The following SH3BGRL2 variants were observed in gnomAD, a reference collection of about 807,000 sequenced individuals.
The protein encoded by SH3BGRL2 is SH3 domain-binding glutamic acid-rich-like protein 2.
SH3BGRL2 carries 21 observed loss-of-function variants against 14.8 expected under a neutral mutation model. The observed-to-expected ratio is 1.42, with a 90% CI of 1.01 to 2.05. SH3BGRL2 has a LOEUF of 2.05. Among genes scored for constraint, SH3BGRL2 ranks in the 30% most tolerant of loss-of-function variants. The probability of loss-of-function intolerance (pLI) is 0.00; values close to 1 mark genes in which losing one functional copy is unlikely to be tolerated. For synonymous variants in SH3BGRL2, 50 were observed against 47.8 expected, an observed-to-expected ratio of 1.05 and a Z score of -0.19; for missense variants, 147 against 130.8, an observed-to-expected ratio of 1.12 and a Z score of -0.61.
At chr6:79,640,910 T>C (rs905024285) in intron 1 of SH3BGRL2, among the ~76,000 whole-genome samples, 2 of 152,192 alleles carry the variant, frequency 1.3e-5, no homozygotes, top group African/African-American at 4.8e-5. Context: ...GGTGACTTGA[T>C]TGACAGGTCA....
chr6:79,548,788 A>G, the SH3BGRL2 span, among the ~76,000 whole-genome samples: 24,063 of 152,176 alleles, frequency 0.16, 2,118 homozygotes, highest in South Asian at 0.22. Flanking sequence ...ATTTATGGAA[A>G]CCACATAAGT....
At chr6:79,552,345 C>T in the SH3BGRL2 span, among the ~76,000 whole-genome samples, 2 of 152,184 alleles carry the variant, frequency 1.3e-5, no homozygotes, top group Admixed American at 1.3e-4. Context: ...AAAAGAAAAA[C>T]CTTGTGGCAG....
chr6:79,629,343 T>C (rs78435173), upstream of SH3BGRL2, among the ~76,000 whole-genome samples: 3,242 of 152,242 alleles, frequency 0.021, 118 homozygotes, highest in African/African-American at 0.074. Flanking sequence ...ATCTTTAGGG[T>C]AGAAATGTTG....
At chr6:79,610,305 A>C in the SH3BGRL2 span, among the ~76,000 whole-genome samples, 2 of 152,180 alleles carry the variant, frequency 1.3e-5, no homozygotes, top group African/African-American at 4.8e-5. Flanking sequence ...CTTTTCATTC[A>C]ACATAATTTT....
At chr6:79,670,889 A>G (rs1769758397) in intron 1 of SH3BGRL2, among the ~76,000 whole-genome samples, 2 of 152,188 alleles carry the variant, frequency 1.3e-5, no homozygotes, top group Admixed American at 1.3e-4. Context: ...GAAGGGCAAA[A>G]GCCTGCTTTG....
the SH3BGRL2 span, among the ~76,000 whole-genome samples, chr6:79,564,939 T>C: frequency 6.6e-6 from 1 of 152,164 alleles, no homozygotes; most frequent in Non-Finnish European, 1.5e-5. Flanking sequence ...ATTTCTATTC[T>C]GAAAATTCCC....
chr6:79,601,741 G>A, the SH3BGRL2 span, among the ~76,000 whole-genome samples: 16 of 152,194 alleles, frequency 1.1e-4, no homozygotes, highest in East Asian at 1.7e-3. Flanking sequence ...ATTCATGTCC[G>A]TATTTAATAG....
chr6:79,631,581 A>C (rs915134873), intron 1 of SH3BGRL2, 75 bp downstream of exon 1: 8 of 1,220,088 alleles, frequency 6.6e-6, no homozygotes, highest in Non-Finnish European at 7.4e-6. Flanking sequence ...GGCGCTCGTC[A>C]CTGCGCGTCC....
the SH3BGRL2 span, among the ~76,000 whole-genome samples, chr6:79,556,084 C>CAA: frequency 2.7e-5 from 1 of 36,740 alleles, no homozygotes; most frequent in Admixed American, 3.6e-4. Flanking sequence ...TATAAAAATT[C>CAA]AAAACAAAAA....
Position 79,683,778 on chromosome 6 carries a change from C to T in SH3BGRL2, c.231+9979C>T, listed in dbSNP as rs116253100. 6.6e-3 allele frequency among the ~76,000 whole-genome samples: 1,006 copies of T among 152,268 alleles called. 12 individuals are homozygous for T. The highest frequency in any genetic ancestry group is 0.023 in the African/African-American group (940 of 41,560). ...ATCCTTCTTAGCTCACAGTCCCTTC[C>T]GTAGTCTGCCCCTGCTCTGGACATT... On this transcript the variant is annotated intron_variant, in intron 2 of 3. Transcript: ENST00000369838.
At chr6:79,649,381 T>A (rs1769234766) in intron 1 of SH3BGRL2, among the ~76,000 whole-genome samples, 1 of 152,160 alleles carries the variant, frequency 6.6e-6, no homozygotes, top group African/African-American at 2.4e-5. Context: ...GTGGTATATT[T>A]TAGAAAGATT....
chr6:79,613,529 A>G, the SH3BGRL2 span, among the ~76,000 whole-genome samples: 1 of 152,204 alleles, frequency 6.6e-6, no homozygotes, highest in Non-Finnish European at 1.5e-5. Context: ...TTTTGTATAA[A>G]CTTTAGAAAC....
chr6:79,689,571 T>G (rs1770167837), intron 2 of SH3BGRL2, among the ~76,000 whole-genome samples: 1 of 152,122 alleles, frequency 6.6e-6, no homozygotes, highest in Non-Finnish European at 1.5e-5. Flanking sequence ...TCTTTTTAAT[T>G]GAGACAGGAT....
the SH3BGRL2 span, among the ~76,000 whole-genome samples, chr6:79,583,709 A>C: frequency 6.6e-6 from 1 of 152,226 alleles, no homozygotes; most frequent in Non-Finnish European, 1.5e-5. Flanking sequence ...GCAGCAAACC[A>C]ACATGGCACA....
At chr6:79,642,035 T>C (rs1238272389) in intron 1 of SH3BGRL2, among the ~76,000 whole-genome samples, 1 of 152,188 alleles carries the variant, frequency 6.6e-6, no homozygotes, top group Non-Finnish European at 1.5e-5. Flanking sequence ...AGATCATATT[T>C]TCACTCCCTA....
the SH3BGRL2 span, among the ~76,000 whole-genome samples, chr6:79,538,018 G>GTTTTTTTT: frequency 2.9e-3 from 126 of 44,160 alleles, 36 homozygotes; most frequent in East Asian, 9.6e-3. Context: ...TTGCACACAA[G>GTTTTTTTT]TTTTTTTTTT....
the SH3BGRL2 span, among the ~76,000 whole-genome samples, chr6:79,610,554 A>AT: frequency 6.6e-6 from 1 of 152,198 alleles, no homozygotes; most frequent in East Asian, 1.9e-4. Context: ...GATGTTTCTC[A>AT]TTATTCTTAT....
intron 2 of SH3BGRL2, among the ~76,000 whole-genome samples, chr6:79,676,811 T>C (rs1372015803): frequency 6.6e-6 from 1 of 152,192 alleles, no homozygotes; most frequent in Non-Finnish European, 1.5e-5. Flanking sequence ...TAGTTAACTT[T>C]ACTCCTTATT....
chr6:79,610,244 C>A, the SH3BGRL2 span, among the ~76,000 whole-genome samples: 2 of 152,168 alleles, frequency 1.3e-5, no homozygotes, highest in South Asian at 4.1e-4. Context: ...AGTCATATAA[C>A]CTTGCATAGT....
Sources: gnomAD v4.1 joint callset for allele counts (sites outside exome capture counted in the v4.1 genomes callset) on GRCh38, gnomAD v4.1.1 for gene constraint, MANE v1.5 for transcripts, NCBI Gene and HGNC (gene_info 2026-07-23, HGNC 2026-07-21) for gene names.